The following MAD1L1 variants were observed in gnomAD, a reference collection of about 807,000 sequenced individuals.
The protein encoded by MAD1L1 is mitotic spindle assembly checkpoint protein MAD1.
In MAD1L1, 95 loss-of-function variants were observed where a neutral mutation model predicts 96.9. That is an observed-to-expected ratio of 0.98 (90% confidence interval 0.83 to 1.16). The LOEUF (loss-of-function observed/expected upper bound fraction) is 1.16. Ranked by LOEUF, MAD1L1 falls within the 50% of genes most tolerant of loss-of-function variation. The pLI is 0.00. For synonymous variants in MAD1L1, 473 were observed against 396.6 expected, an observed-to-expected ratio of 1.19 and a Z score of -2.29; for missense variants, 1,007 against 954.4, an observed-to-expected ratio of 1.06 and a Z score of -0.73.
At chr7:2,001,608 C>T (rs751314289) in intron 14 of MAD1L1, among the ~76,000 whole-genome samples, 32 of 152,254 alleles carry the variant, frequency 2.1e-4, no homozygotes, top group Non-Finnish European at 3.1e-4. Flanking sequence ...TCACTAGAGA[C>T]GTCCCTCTCC....
At chr7:1,985,970 C>A (rs543320338) in intron 14 of MAD1L1, among the ~76,000 whole-genome samples, 1 of 152,336 alleles carries the variant, frequency 6.6e-6, no homozygotes, top group Admixed American at 6.5e-5. Flanking sequence ...TCAATGTCCA[C>A]CGTTTTTCTG....
chr7:1,972,192 C>T (rs190877765), intron 15 of MAD1L1, among the ~76,000 whole-genome samples: 13 of 152,292 alleles, frequency 8.5e-5, no homozygotes, highest in Admixed American at 7.2e-4. Flanking sequence ...GTCCTGACAC[C>T]GGAAGGCTCG....
chr7:2,175,101 G>A (rs1481840767), intron 10 of MAD1L1: 1 of 152,216 alleles, frequency 6.6e-6, no homozygotes, highest in African/African-American at 2.4e-5. Flanking sequence ...GGTCATCTCG[G>A]CGGTCACACA....
intron 10 of MAD1L1, among the ~76,000 whole-genome samples, chr7:2,177,276 TA>T (rs1790992094): frequency 6.6e-6 from 1 of 152,260 alleles, no homozygotes; most frequent in Admixed American, 6.5e-5. Context: ...TGGCACTTTC[TA>T]GGCCACTGGT....
intron 11 of MAD1L1, among the ~76,000 whole-genome samples, chr7:2,087,510 A>T (rs2128542870): frequency 6.6e-6 from 1 of 152,346 alleles, no homozygotes; most frequent in East Asian, 1.9e-4. Flanking sequence ...ACTGCACTCC[A>T]GCCTGGGCAA....
chr7:1,947,765 C>G (rs918732284), intron 16 of MAD1L1, among the ~76,000 whole-genome samples: 1 of 152,250 alleles, frequency 6.6e-6, no homozygotes, highest in Non-Finnish European at 1.5e-5. Context: ...GTCACACCTC[C>G]CAGCCCTGCC....
intron 18 of MAD1L1, among the ~76,000 whole-genome samples, chr7:1,888,167 C>T (rs1294702759): frequency 7.4e-6 from 1 of 134,926 alleles, no homozygotes; most frequent in Non-Finnish European, 1.6e-5. Flanking sequence ...TGCATGTGTG[C>T]AGCTGCCTGT....
chr7:2,037,053 T>TC (rs1309376304), intron 12 of MAD1L1, among the ~76,000 whole-genome samples: 1 of 150,410 alleles, frequency 6.6e-6, no homozygotes, highest in Non-Finnish European at 1.5e-5. Flanking sequence ...CTCCCACAGC[T>TC]CCCCCCACAG....
chr7:2,217,842 C>T, intron 7 of MAD1L1, 120 bp downstream of exon 7: 2 of 817,404 alleles, frequency 2.4e-6, no homozygotes, highest in South Asian at 3.0e-5. Context: ...ACACACAGGG[C>T]AGCAGCTAAC....
chr7:2,135,936 C>T (rs1011352149), intron 11 of MAD1L1, among the ~76,000 whole-genome samples: 17 of 152,222 alleles, frequency 1.1e-4, no homozygotes, highest in Admixed American at 1.0e-3. Context: ...ATCAGGACCA[C>T]GCGGCCCAAC....
At chr7:2,182,398 G>A (rs1339955381) in intron 10 of MAD1L1, among the ~76,000 whole-genome samples, 8 of 151,992 alleles carry the variant, frequency 5.3e-5, no homozygotes, top group Non-Finnish European at 8.8e-5. Context: ...TGGTGGGAAT[G>A]TAAAATGGTG....
intron 7 of MAD1L1, among the ~76,000 whole-genome samples, 190 bp from the exon 8 acceptor site, chr7:2,216,477 C>T (rs1161870141): frequency 6.6e-6 from 1 of 152,160 alleles, no homozygotes; most frequent in Admixed American, 6.5e-5. Flanking sequence ...CAGGGATTGA[C>T]TGGGGGAGCA....
At chr7:1,878,568 G>T (rs1785505018) in intron 18 of MAD1L1, among the ~76,000 whole-genome samples, 1 of 120,066 alleles carries the variant, frequency 8.3e-6, no homozygotes, top group Non-Finnish European at 1.8e-5. Flanking sequence ...CATCTCAATA[G>T]ATGTAAAAAA....
intron 16 of MAD1L1, among the ~76,000 whole-genome samples, chr7:1,945,563 T>C (rs12699491): frequency 0.86 from 130,859 of 152,106 alleles, 57,606 homozygotes; most frequent in Non-Finnish European, 0.96. Context: ...GGAGAGGTGC[T>C]GCTGCTGCTG....
chr7:2,212,868 A>C (rs1296452515), intron 10 of MAD1L1, among the ~76,000 whole-genome samples: 1 of 152,262 alleles, frequency 6.6e-6, no homozygotes, highest in Non-Finnish European at 1.5e-5. Flanking sequence ...CCTAAAATGA[A>C]TGATTTCCCC....
intron 16 of MAD1L1, among the ~76,000 whole-genome samples, chr7:1,954,798 C>T (rs557446862): frequency 6.6e-6 from 1 of 152,306 alleles, no homozygotes; most frequent in African/African-American, 2.4e-5. Context: ...CCCGGCCAGC[C>T]ACCGTCCGTG....
At chr7:1,885,115 C>A (rs1044693891) in intron 18 of MAD1L1, among the ~76,000 whole-genome samples, 3 of 152,174 alleles carry the variant, frequency 2.0e-5, no homozygotes, top group Admixed American at 6.5e-5. Context: ...AGCAGAGGCC[C>A]TGTGGTAGAG....
At chr7:1,990,776 C>A (rs1193135583) in intron 14 of MAD1L1, among the ~76,000 whole-genome samples, 1 of 130,978 alleles carries the variant, frequency 7.6e-6, no homozygotes, top group Non-Finnish European at 1.6e-5. Context: ...GCTGGCCTCA[C>A]GAGCACCGCT....
At chr7:1,961,427 G>A (rs986965564) in intron 15 of MAD1L1, among the ~76,000 whole-genome samples, 1 of 152,178 alleles carries the variant, frequency 6.6e-6, no homozygotes, top group South Asian at 2.1e-4. Flanking sequence ...CCAGAAATAG[G>A]AGCACAAACA....
Sources: gnomAD v4.1 joint callset for allele counts (sites outside exome capture counted in the v4.1 genomes callset) on GRCh38, gnomAD v4.1.1 for gene constraint, MANE v1.5 for transcripts, NCBI Gene and HGNC (gene_info 2026-07-23, HGNC 2026-07-21) for gene names.